The following TRMT61B variants were observed in gnomAD, a reference collection of about 807,000 sequenced individuals.
The protein encoded by TRMT61B is tRNA (adenine(58)-N(1))-methyltransferase, mitochondrial.
Under a neutral mutation model 52.0 loss-of-function variants are expected in TRMT61B, and 56 were observed. The observed-to-expected ratio is 1.08, with a 90% CI of 0.87 to 1.35. The LOEUF (loss-of-function observed/expected upper bound fraction) is 1.35. TRMT61B is among the 40% of genes most tolerant of loss of function. The probability of loss-of-function intolerance (pLI) is 0.00; values close to 1 mark genes in which losing one functional copy is unlikely to be tolerated. For missense variants in TRMT61B, 650 were observed against 577.9 expected, an observed-to-expected ratio of 1.12 and a Z score of -1.28; for synonymous variants, 206 against 220.0, an observed-to-expected ratio of 0.94 and a Z score of 0.56.
Position 28,861,209 on chromosome 2 carries a change from C to G in TRMT61B, c.902G>C (p.Ser301Thr). ...YKHWRDSWKL[S>T]HVEEWPDNVD... The stretch of plus-strand genomic sequence containing the variant: ...ATTGTCTGGCCACTCTTCTACATGA[C>G]TTAATTTCCATGAATCACGCCAGTG... The change falls in exon 3 of 7, where the codon AGT becomes ACT. Residue 301 changes from serine (S) to threonine (T), a missense_variant. Ser to Thr is a moderately conservative substitution (Grantham distance 58). Coordinates refer to ENST00000306108, the MANE Select transcript of TRMT61B (RefSeq NM_017910.4). The G allele has an allele frequency of 6.2e-7, 1 of 1,613,964 alleles. No individual in the cohort carries two copies.
At chr2:28,866,847 G>C (rs1669870715) in intron 1 of TRMT61B, among the ~76,000 whole-genome samples, 1 of 152,154 alleles carries the variant, frequency 6.6e-6, no homozygotes, top group Non-Finnish European at 1.5e-5. Flanking sequence ...TCAGACTGGA[G>C]TGTAGTAGTG....
intron 2 of TRMT61B, among the ~76,000 whole-genome samples, chr2:28,864,153 C>CT (rs1285535714): frequency 1.3e-5 from 2 of 152,008 alleles, no homozygotes; most frequent in African/African-American, 4.8e-5. Context: ...TAGCTTTTTA[C>CT]TTAATAGCTC....
At chr2:28,862,772 C>G (rs1225247033) in intron 2 of TRMT61B, among the ~76,000 whole-genome samples, 1 of 149,954 alleles carries the variant, frequency 6.7e-6, no homozygotes, top group African/African-American at 2.5e-5. Context: ...AGGCAGATCA[C>G]TTGAGGTCAG....
chr2:28,850,386 A>AGCAACATAGGGAAATGATCC lies in TRMT61B; in HGVS notation c.1331_1332insGGATCATTTCCCTATGTTGC (p.Phe444LeufsTer33). The AGCAACATAGGGAAATGATCC allele has an allele frequency of 6.2e-7, 1 of 1,607,198 alleles. No homozygotes were observed. The highest frequency in any genetic ancestry group is 8.5e-7 in the Non-Finnish European group (1 of 1,176,532). ...CAACATAGGGAAATGATCCATATGG[A>AGCAACATAGGGAAATGATCC]AAATCAGAATGCGATTCTTCTGTTG... On this transcript the variant is annotated frameshift_variant, in exon 6 of 7. Coordinates refer to ENST00000306108, the MANE Select transcript of TRMT61B (RefSeq NM_017910.4). LOFTEE classifies it high-confidence loss of function.
chr2:28,858,322 G>T (rs1018505753), intron 3 of TRMT61B, among the ~76,000 whole-genome samples: 1 of 151,940 alleles, frequency 6.6e-6, no homozygotes, highest in Non-Finnish European at 1.5e-5. Context: ...TTACAGGTGT[G>T]AGCCATTGCG....
In TRMT61B at chr2:28,856,691, A is replaced by G. The variant is rs1440880772; in HGVS notation, c.994-4192T>C. ...ATCCTGTCGCCCAGGTTGGAGTACA[A>G]TGGTGCGATCGTAGCTCACTGCAAC... On this transcript the variant is annotated intron_variant, in intron 3 of 6. Transcript: ENST00000306108. Among the ~76,000 whole-genome samples the G allele has an allele frequency of 5.3e-5, 8 of 152,042 alleles. No homozygotes were observed. The East Asian group carries it at 1.5e-3, about 29-fold the overall frequency.
chr2:28,862,308 T>A (rs1558346659), intron 2 of TRMT61B, among the ~76,000 whole-genome samples: 1 of 149,844 alleles, frequency 6.7e-6, no homozygotes, highest in Non-Finnish European at 1.5e-5. Context: ...AAGTTTATCA[T>A]TTTTAATGTA....
In TRMT61B at chr2:28,869,856, G is replaced by A. The variant is rs551387938; in HGVS notation, c.422C>T (p.Pro141Leu). 21 of 1,614,070 alleles carry A rather than the reference G, an allele frequency of 1.3e-5. No individual in the cohort carries two copies. The East Asian group carries it at 4.2e-4, about 33-fold the overall frequency. Residue 141 changes from proline (P) to leucine (L), a missense_variant, in exon 1 of 7, where the codon CCT (proline) becomes CTT (leucine). By Grantham distance (98) the Pro-to-Leu change is moderately conservative. Coordinates refer to ENST00000306108, the MANE Select transcript of TRMT61B (RefSeq NM_017910.4). ...ATEVEERHVS[P>L]SCSTSRERPF... The stretch of plus-strand genomic sequence containing the variant: ...TCTCTCTCTGGAAGTTGAACAAGAA[G>A]GGGAGACGTGACGCTCTTCGACCTC...
chr2:28,869,905 G>A lies in TRMT61B; in HGVS notation c.373C>T (p.Leu125Phe), dbSNP rs572821530. Residue 125 changes from leucine to phenylalanine, a missense_variant, in exon 1 of 7, where the codon CTC becomes TTC. Transcript: ENST00000306108. ...THQGSEDPSMLSQAQSATEVE... is the reference protein window; with the variant it reads ...THQGSEDPSMFSQAQSATEVE... The stretch of plus-strand genomic sequence containing the variant: ...TCGGTAGCGGACTGGGCCTGCGAGA[G>A]CATCGAAGGATCCTCGGATCCCTGG... The A allele has an allele frequency of 1.2e-6, 2 of 1,613,916 alleles. No homozygotes were observed. The highest frequency in any genetic ancestry group is 1.3e-5 in the African/African-American group (1 of 75,050).
intron 2 of TRMT61B, among the ~76,000 whole-genome samples, chr2:28,863,327 A>C (rs529870172): frequency 1.3e-5 from 2 of 151,216 alleles, no homozygotes; most frequent in South Asian, 4.2e-4. Context: ...CCTACTTGGG[A>C]GGCTGGGACG....
intron 3 of TRMT61B, among the ~76,000 whole-genome samples, chr2:28,856,891 T>C (rs925234443): frequency 2.6e-5 from 4 of 152,066 alleles, no homozygotes; most frequent in Admixed American, 2.6e-4. Context: ...CGCCTTGGCC[T>C]CCCAAAGTAC....
At chr2:28,862,947 GA>G (rs1296638016) in intron 2 of TRMT61B, among the ~76,000 whole-genome samples, 2 of 151,814 alleles carry the variant, frequency 1.3e-5, no homozygotes, top group Non-Finnish European at 2.9e-5. Context: ...TGCAATTCCA[GA>G]GAGGAGTACT....
At chr2:28,862,514 G>C (rs1298058557) in intron 2 of TRMT61B, among the ~76,000 whole-genome samples, 1 of 150,370 alleles carries the variant, frequency 6.7e-6, no homozygotes, top group Non-Finnish European at 1.5e-5. Context: ...TTGTATTTTT[G>C]GTAGAGACAG....
At chr2:28,865,240 C>T (rs1208694778) in intron 1 of TRMT61B, 121 bp from the exon 2 acceptor site, 2 of 580,720 alleles carry the variant, frequency 3.4e-6, no homozygotes, top group Non-Finnish European at 6.2e-6. Flanking sequence ...AGACTCTGGA[C>T]CTGCCTTCAG....
chr2:28,857,753 T>C (rs972616645), intron 3 of TRMT61B, among the ~76,000 whole-genome samples: 23 of 152,254 alleles, frequency 1.5e-4, no homozygotes, highest in African/African-American at 5.3e-4. Flanking sequence ...TTTCCCTCTA[T>C]TCCTTTCCCT....
intron 3 of TRMT61B, among the ~76,000 whole-genome samples, chr2:28,853,631 T>A (rs1669217080): frequency 6.6e-6 from 1 of 151,684 alleles, no homozygotes; most frequent in Non-Finnish European, 1.5e-5. Flanking sequence ...AGGTCAGGAG[T>A]TTGAGAGTAG....
intron 3 of TRMT61B, 129 bp from the exon 4 acceptor site, chr2:28,852,628 T>C (rs1008680944): frequency 9.4e-6 from 6 of 635,144 alleles, no homozygotes; most frequent in African/African-American, 9.3e-5. Flanking sequence ...AAGGTAGTAT[T>C]ATTAACTATC....
At chr2:28,863,478 G>C (rs1384801266) in intron 2 of TRMT61B, among the ~76,000 whole-genome samples, 1 of 151,044 alleles carries the variant, frequency 6.6e-6, no homozygotes, top group South Asian at 2.1e-4. Context: ...AAAATATGGA[G>C]AAAAATATCC....
At position 28,869,793 on chromosome 2, in the gene TRMT61B, C is replaced by T. The variant is rs770617002; in HGVS notation, c.485G>A (p.Gly162Glu). ...QAGELILAETGEGETKFKKLF... is the reference protein window; with the variant it reads ...QAGELILAETEEGETKFKKLF... Reference sequence around the variant, plus strand: ...TTTCTTAAATTTTGTTTCTCCCTCCCCAGTCTCAGCTAAAATCAGTTCCCC... The same window carrying T: ...TTTCTTAAATTTTGTTTCTCCCTCCTCAGTCTCAGCTAAAATCAGTTCCCC... The change falls in exon 1 of 7, where the codon GGG becomes GAG. Residue 162 changes from glycine (G) to glutamate (E), a missense_variant. Coordinates refer to ENST00000306108, the MANE Select transcript of TRMT61B (RefSeq NM_017910.4). 13 of 1,614,180 alleles carry T rather than the reference C, an allele frequency of 8.1e-6. No homozygotes were observed. Among genetic ancestry groups the T allele is most frequent in the South Asian group, 1.1e-5 (1 of 91,078 alleles).
Sources: gnomAD v4.1 joint callset for allele counts (sites outside exome capture counted in the v4.1 genomes callset) on GRCh38, gnomAD v4.1.1 for gene constraint, MANE v1.5 for transcripts, NCBI Gene and HGNC (gene_info 2026-07-23, HGNC 2026-07-21) for gene names.